Variants in ANTXR1 observed in about 807,000 individuals in gnomAD.
ANTXR1 encodes ANTXR cell adhesion molecule 1, also known as anthrax toxin receptor 1.
In ANTXR1, 19 loss-of-function variants were observed where a neutral mutation model predicts 78.1. The ratio of observed to expected loss-of-function variants is 0.24; its 90% confidence interval spans 0.17 to 0.36. The LOEUF (loss-of-function observed/expected upper bound fraction) is 0.36. Ranked by LOEUF, ANTXR1 falls within the 10% of genes least tolerant of loss-of-function variation. ANTXR1 has a pLI of 1.00. For missense variants in ANTXR1, 518 were observed against 718.6 expected, an observed-to-expected ratio of 0.72 and a Z score of 3.19; for synonymous variants, 273 against 260.5, an observed-to-expected ratio of 1.05 and a Z score of -0.46.
At chr2:69,145,744 C>T in intron 12 of ANTXR1, 1 of 1,034,242 alleles carries the variant, frequency 9.7e-7, no homozygotes, top group Non-Finnish European at 1.2e-6. Context: ...ATCCTCCTCC[C>T]TTTCCCACAA....
intron 17 of ANTXR1, among the ~76,000 whole-genome samples, chr2:69,199,811 G>A (rs1480276965): frequency 2.0e-5 from 3 of 152,084 alleles, no homozygotes; most frequent in Admixed American, 2.0e-4. Context: ...ACTCAGGGCA[G>A]CATCTTCTCT....
intron 14 of ANTXR1, among the ~76,000 whole-genome samples, chr2:69,179,967 C>T (rs1674232301): frequency 6.6e-6 from 1 of 152,146 alleles, no homozygotes; most frequent in South Asian, 2.1e-4. Flanking sequence ...AGCGAGCAAC[C>T]AAGTAAGAGA....
At chr2:69,181,487 G>C (rs1230449807) in intron 14 of ANTXR1, among the ~76,000 whole-genome samples, 2 of 152,210 alleles carry the variant, frequency 1.3e-5, no homozygotes, top group Non-Finnish European at 2.9e-5. Flanking sequence ...CAAGTCATTA[G>C]CATGTAGGTG....
chr2:69,184,067 A>T (rs1237602335), intron 16 of ANTXR1, among the ~76,000 whole-genome samples: 2 of 150,330 alleles, frequency 1.3e-5, no homozygotes, highest in African/African-American at 4.9e-5. Flanking sequence ...ACACACTCAC[A>T]CACACACACA....
intron 17 of ANTXR1, among the ~76,000 whole-genome samples, chr2:69,196,600 C>T (rs1386723007): frequency 6.6e-6 from 1 of 152,178 alleles, no homozygotes; most frequent in East Asian, 1.9e-4. Flanking sequence ...CTAGAGAGGC[C>T]TGCCTTGCTT....
intron 9 of ANTXR1, among the ~76,000 whole-genome samples, chr2:69,096,073 A>G (rs1257117126): frequency 6.6e-6 from 1 of 151,880 alleles, no homozygotes; most frequent in South Asian, 2.1e-4. Flanking sequence ...CCTGGCTAAC[A>G]CGGTGAAACC....
chr2:69,167,209 A>C (rs760146386), intron 13 of ANTXR1, among the ~76,000 whole-genome samples: 1 of 152,218 alleles, frequency 6.6e-6, no homozygotes, highest in Non-Finnish European at 1.5e-5. Context: ...CCTGTGGGAC[A>C]TGGGGGCAGT....
chr2:69,056,765 C>T (rs946729868), intron 3 of ANTXR1, among the ~76,000 whole-genome samples: 14 of 152,178 alleles, frequency 9.2e-5, no homozygotes, highest in Admixed American at 7.2e-4. Context: ...CTTCCGCCTC[C>T]TGGGTTCAAG....
rs554443390 is a variant in ANTXR1, at chr2:69,059,603, T to C, written c.297-11044T>C. Among the ~76,000 whole-genome samples, 25 of 152,248 alleles carry C rather than the reference T, an allele frequency of 1.6e-4. No individual in the cohort carries two copies. In the South Asian group the frequency reaches 5.2e-3, roughly 32 times the overall value. On this transcript the variant is annotated intron_variant, in intron 3 of 17. Transcript: ENST00000303714. ...AAGTGATTCTCCTGTCTCAGCGTCCTGAGTAGCTGGGATTACAGGCACCTG... is the reference window on the plus strand; with the variant it reads ...AAGTGATTCTCCTGTCTCAGCGTCCCGAGTAGCTGGGATTACAGGCACCTG...
chr2:69,223,600 G>C (rs1472074272), intron 17 of ANTXR1, among the ~76,000 whole-genome samples: 1 of 151,998 alleles, frequency 6.6e-6, no homozygotes, highest in East Asian at 1.9e-4. Flanking sequence ...ATCAAACAAG[G>C]GCCAACATCA....
At chr2:69,151,195 T>C (rs201516374) in intron 12 of ANTXR1, among the ~76,000 whole-genome samples, 1 of 143,038 alleles carries the variant, frequency 7.0e-6, no homozygotes, top group Non-Finnish European at 1.5e-5. Flanking sequence ...TCTTTTTTTT[T>C]TTTTTTTTTT....
intron 8 of ANTXR1, among the ~76,000 whole-genome samples, chr2:69,086,943 C>G (rs916835112): frequency 6.6e-6 from 1 of 152,188 alleles, no homozygotes; most frequent in South Asian, 2.1e-4. Context: ...CATGCTCTCC[C>G]TCACCGTCCA....
chr2:69,242,868 G>A (rs996780831), intron 17 of ANTXR1, among the ~76,000 whole-genome samples: 1 of 152,224 alleles, frequency 6.6e-6, no homozygotes, highest in Admixed American at 6.5e-5. Flanking sequence ...CTATAAAAGA[G>A]GGCAGCTTGA....
chr2:69,086,952 C>A (rs1209710444), intron 8 of ANTXR1, among the ~76,000 whole-genome samples: 1 of 152,188 alleles, frequency 6.6e-6, no homozygotes, highest in Non-Finnish European at 1.5e-5. Flanking sequence ...CCTCACCGTC[C>A]AATCCAATAT....
intron 17 of ANTXR1, among the ~76,000 whole-genome samples, chr2:69,228,483 A>G (rs1675516253): frequency 6.6e-6 from 1 of 152,226 alleles, no homozygotes; most frequent in Admixed American, 6.5e-5. Context: ...ACCTCGATTT[A>G]TATCTTCACT....
rs532282032 is a variant in ANTXR1 at position 69,082,104 on chromosome 2, G to A, written c.642+4616G>A. Among the ~76,000 whole-genome samples the A allele has an allele frequency of 3.0e-4, 45 of 152,286 alleles. 1 individual carries two copies. Among genetic ancestry groups the A allele is most frequent in the East Asian group, 9.6e-4 (5 of 5,186 alleles). The stretch of plus-strand genomic sequence containing the variant: ...GAGGAAGACACTGAGGACTGAAAAC[G>A]TGAACTGGCTTGACAGAGGCAAGAC... On this transcript the variant is annotated intron_variant, in intron 8 of 17. Coordinates refer to ENST00000303714, the MANE Select transcript of ANTXR1 (RefSeq NM_032208.3).
intron 13 of ANTXR1, among the ~76,000 whole-genome samples, chr2:69,154,265 G>A (rs914985385): frequency 3.3e-5 from 5 of 152,176 alleles, no homozygotes; most frequent in Non-Finnish European, 7.3e-5. Context: ...TTTGTAAGTC[G>A]TGAAGGATTT....
chr2:69,237,336 C>T (rs890497969), intron 17 of ANTXR1, among the ~76,000 whole-genome samples: 6 of 152,308 alleles, frequency 3.9e-5, no homozygotes, highest in African/African-American at 1.2e-4. Context: ...GATTTATAGG[C>T]AGGGCAAGTT....
intron 17 of ANTXR1, among the ~76,000 whole-genome samples, chr2:69,201,989 C>T (rs1674783605): frequency 6.6e-6 from 1 of 152,100 alleles, no homozygotes; most frequent in South Asian, 2.1e-4. Flanking sequence ...AAATTTTGTG[C>T]CCTAGACACC....
Sources: allele counts gnomAD v4.1 joint callset (sites outside exome capture counted in the v4.1 genomes callset), GRCh38; gene constraint gnomAD v4.1.1; transcripts MANE v1.5; gene names NCBI Gene and HGNC (gene_info 2026-07-23, HGNC 2026-07-21).